The following ZNF106 variants were observed in gnomAD, a reference collection of about 807,000 sequenced individuals.
ZNF106 encodes the protein SH3-domain binding protein 3.
ZNF106 carries 67 observed loss-of-function variants against 195.1 expected under a neutral mutation model. The ratio of observed to expected loss-of-function variants is 0.34; its 90% confidence interval spans 0.28 to 0.42. The LOEUF (loss-of-function observed/expected upper bound fraction) is 0.42. Among genes scored for constraint, ZNF106 ranks in the 10% least tolerant of loss-of-function variants. The pLI is 1.00. For synonymous variants in ZNF106, 784 were observed against 818.6 expected (o/e 0.96, Z 0.72); for missense variants, 2,118 against 2,304.5 (o/e 0.92, Z 1.66).
rs1309500415 is a variant in ZNF106, at chr15:42,451,550, A to G, written c.722T>C (p.Met241Thr). Residue 241 changes from methionine to threonine, a missense_variant, in exon 5 of 22, where the codon ATG becomes ACG. By Grantham distance (81) the Met-to-Thr change is moderately conservative (BLOSUM62 -1). Transcript: ENST00000564754. ...EGTGGFSSWH[M>T]NNSNGNWKSS... ...TTTCCAGTTTCCGTTACTGTTGTTCATATGCCAACTGGAAAAGCCACCTGT... is the reference window on the plus strand; with the variant it reads ...TTTCCAGTTTCCGTTACTGTTGTTCGTATGCCAACTGGAAAAGCCACCTGT... 1.2e-6 allele frequency: 2 copies of G among 1,614,018 alleles called. No individual in the cohort carries two copies. Among genetic ancestry groups the G allele is most frequent in the Non-Finnish European group, 1.7e-6 (2 of 1,180,042 alleles).
At chr15:42,423,204 C>CA (rs966176965) in intron 17 of ZNF106, among the ~76,000 whole-genome samples, 6 of 151,750 alleles carry the variant, frequency 4.0e-5, no homozygotes, top group Non-Finnish European at 8.8e-5. Context: ...TCCATCTCTA[C>CA]AAAAAATATA....
chr15:42,437,141 G>C (rs1034329231), intron 13 of ZNF106, 91 bp downstream of exon 13: 38 of 1,393,906 alleles, frequency 2.7e-5, no homozygotes, highest in Non-Finnish European at 3.6e-5. Context: ...CCTTCAGACA[G>C]CCAACAAATT....
At chr15:42,422,031 T>C in intron 18 of ZNF106, 43 bp from the exon 19 acceptor site, 1 of 1,532,586 alleles carries the variant, frequency 6.5e-7, no homozygotes, top group Non-Finnish European at 8.8e-7. Flanking sequence ...TATTTATACC[T>C]TGCGTTTAAT....
chr15:42,455,001 G>A (rs142110046), intron 4 of ZNF106, among the ~76,000 whole-genome samples: 1 of 152,096 alleles, frequency 6.6e-6, no homozygotes. Context: ...AATCTATTCT[G>A]ACTTAATGTT....
chr15:42,485,176 A>T (rs1488410299), intron 1 of ZNF106, among the ~76,000 whole-genome samples: 2 of 152,138 alleles, frequency 1.3e-5, no homozygotes, highest in African/African-American at 4.8e-5. Flanking sequence ...CAAAAAAAAT[A>T]CTGTATGTTT....
intron 1 of ZNF106, among the ~76,000 whole-genome samples, chr15:42,475,023 C>T (rs551638430): frequency 3.3e-5 from 5 of 152,298 alleles, no homozygotes; most frequent in South Asian, 4.1e-4. Flanking sequence ...ACAGTTTAAT[C>T]TGTAACTCCT....
chr15:42,470,691 T>C (rs901207216), intron 2 of ZNF106, among the ~76,000 whole-genome samples: 3 of 152,130 alleles, frequency 2.0e-5, no homozygotes, highest in African/African-American at 4.8e-5. Flanking sequence ...CACAAAATCA[T>C]GGTATCACAA....
rs917005069 is a variant in ZNF106, at chr15:42,428,755, C to G, written c.4882-621G>C. Among the ~76,000 whole-genome samples, 9 of 152,082 alleles carry G rather than the reference C, an allele frequency of 5.9e-5. No individual in the cohort carries two copies. In the East Asian group the frequency reaches 1.7e-3, roughly 29 times the overall value. ...GCAGATTTAATACCCACTGTTTGAT[C>G]TGACCTTCAAAAAACGATTTCTTTT... On this transcript the variant is annotated intron_variant, in intron 14 of 21. Coordinates refer to ENST00000564754, the MANE Select transcript of ZNF106 (RefSeq NM_001366845.3).
chr15:42,418,532 ATTTTTTTTTT>A (rs1162999546), intron 20 of ZNF106, among the ~76,000 whole-genome samples: 3 of 96,228 alleles, frequency 3.1e-5, no homozygotes, highest in African/African-American at 4.3e-5. Context: ...CGGCCAGTTA[ATTTTTTTTTT>A]TTTTTTTTTT....
rs1199148812 is a variant in ZNF106, at chr15:42,424,861, GC to G, written c.5162del (p.Gly1721AlafsTer9). 6.2e-7 allele frequency: 1 copy of G among 1,613,868 alleles called. No homozygotes were observed. The highest frequency in any genetic ancestry group is 1.3e-5 in the African/African-American group (1 of 74,846). Reference sequence around the variant, plus strand: ...TCATGCAAAGAATGGTTTTGCTATGGCCCTCCAGAGTTCTGAGGAGCAGTCC... The same window carrying G: ...TCATGCAAAGAATGGTTTTGCTATGGCCTCCAGAGTTCTGAGGAGCAGTCC... ...RNGLLLRTLE[G>X]HSKTILCMKV... On this transcript the variant is annotated frameshift_variant, in exon 16 of 22. Transcript: ENST00000564754. LOFTEE classifies it high-confidence loss of function.
At position 42,472,223 on chromosome 15, in the gene ZNF106, CT is replaced by C; in HGVS notation, c.54+12del. On this transcript the variant is annotated intron_variant, in intron 2 of 21. Coordinates refer to ENST00000564754, the MANE Select transcript of ZNF106 (RefSeq NM_001366845.3). The stretch of plus-strand genomic sequence containing the variant: ...AGTCATAAAGCCTCAGATTCTCCCT[CT>C]TCCATTATTACCTTTTTTGAGCTGT... 6.5e-7 allele frequency: 1 copy of C among 1,534,060 alleles called. No individual in the cohort carries two copies. The highest frequency in any genetic ancestry group is 8.7e-7 in the Non-Finnish European group (1 of 1,145,890).
chr15:42,424,921 A>C lies in ZNF106; in HGVS notation c.5103T>G (p.Tyr1701Ter). 6.2e-7 allele frequency: 1 copy of C among 1,614,200 alleles called. No homozygotes were observed. The highest frequency in any genetic ancestry group is 8.5e-7 in the Non-Finnish European group (1 of 1,180,042). ...CATCGCGTACACTAATTGTGCAGTC[A>C]TAAGACCCCACGACCAGCAGTTTTC... Reference protein sequence around the residue: ...GARKLLVVGSYDCTISVRDAR... With the variant: ...GARKLLVVGS The change falls in exon 16 of 22, where the codon TAT becomes TAG. Residue 1701 changes from tyrosine to a stop codon, truncating the protein, a stop_gained. Coordinates refer to ENST00000564754, the MANE Select transcript of ZNF106 (RefSeq NM_001366845.3). LOFTEE classifies it high-confidence loss of function.
At chr15:42,433,397 G>A (rs975293063) in intron 14 of ZNF106, among the ~76,000 whole-genome samples, 14 of 151,908 alleles carry the variant, frequency 9.2e-5, no homozygotes, top group Admixed American at 2.6e-4. Flanking sequence ...GAGCCACCGC[G>A]CCCAGCCTTA....
At chr15:42,459,651 A>C (rs1354065998) in intron 3 of ZNF106, among the ~76,000 whole-genome samples, 4 of 152,164 alleles carry the variant, frequency 2.6e-5, no homozygotes, top group Non-Finnish European at 5.9e-5. Flanking sequence ...AATCTATCAC[A>C]ATGGGCAGCA....
rs1016944904 is a variant in ZNF106, at chr15:42,448,001, G to C, written c.3135+71C>G. ...TCCCAGATACCCAAGAAAAACAGTT[G>C]AACCTTTTTTCATAAGCAACCAACT... On this transcript the variant is annotated intron_variant, in intron 6 of 21. Transcript: ENST00000564754. The C allele has an allele frequency of 2.7e-6, 4 of 1,493,508 alleles. No individual in the cohort carries two copies. The African/African-American group carries it at 4.2e-5, about 16-fold the overall frequency. 92.5% of individuals were successfully genotyped at this position (1,493,508 alleles called of 1,614,324 possible).
At chr15:42,457,718 T>A (rs2056277934) in intron 3 of ZNF106, among the ~76,000 whole-genome samples, 1 of 152,198 alleles carries the variant, frequency 6.6e-6, no homozygotes, top group African/African-American at 2.4e-5. Context: ...GCAAACTTTT[T>A]TGGTCTGGAT....
Position 42,438,861 on chromosome 15 carries a change from G to C in ZNF106, c.4544+172C>G, listed in dbSNP as rs564367097. 2.1e-4 allele frequency among the ~76,000 whole-genome samples: 32 copies of C among 152,300 alleles called. No individual in the cohort carries two copies. The South Asian group carries it at 5.2e-3, about 25-fold the overall frequency. ...GTGAATATTTATAACACAGTCAAAAGAGAAAGCAGAAAATCTCTACTGCTG... is the reference window on the plus strand; with the variant it reads ...GTGAATATTTATAACACAGTCAAAACAGAAAGCAGAAAATCTCTACTGCTG... On this transcript the variant is annotated intron_variant, in intron 11 of 21. Transcript: ENST00000564754.
At chr15:42,465,364 C>A (rs966569321) in intron 3 of ZNF106, among the ~76,000 whole-genome samples, 1 of 152,134 alleles carries the variant, frequency 6.6e-6, no homozygotes, top group African/African-American at 2.4e-5. Flanking sequence ...GTAGCCCTGA[C>A]CTACCTAAGC....
intron 2 of ZNF106, among the ~76,000 whole-genome samples, chr15:42,469,986 C>T (rs999216437): frequency 2.0e-5 from 3 of 151,886 alleles, no homozygotes; most frequent in African/African-American, 7.3e-5. Context: ...GTATATTAAT[C>T]AGTATTATAT....
Sources: allele counts gnomAD v4.1 joint callset (sites outside exome capture counted in the v4.1 genomes callset), GRCh38; gene constraint gnomAD v4.1.1; transcripts MANE v1.5; gene names NCBI Gene and HGNC (gene_info 2026-07-23, HGNC 2026-07-21).